CDH10: variants seen among roughly 807,000 people sequenced by gnomAD.
CDH10 encodes the protein cadherin-10.
In CDH10, 30 loss-of-function variants were observed where a neutral mutation model predicts 73.1. That is an observed-to-expected ratio of 0.41 (90% CI 0.31 to 0.56). The LOEUF (loss-of-function observed/expected upper bound fraction) is 0.56, where lower values mean the gene tolerates loss of function less well. Ranked by LOEUF, CDH10 falls within the 20% of genes least tolerant of loss-of-function variation. The probability of loss-of-function intolerance (pLI) is 0.27; values close to 1 mark genes in which losing one functional copy is unlikely to be tolerated. For missense variants in CDH10, 815 were observed against 973.7 expected (o/e 0.84, Z 2.17); for synonymous variants, 345 against 348.2 (o/e 0.99, Z 0.10).
rs150875437 is a variant in CDH10, at chr5:24,507,844, T to A, written c.1256+1722A>T. Among the ~76,000 whole-genome samples the A allele has an allele frequency of 3.6e-3, 542 of 152,270 alleles. 2 individuals are homozygous for A. Among genetic ancestry groups the A allele is most frequent in the Non-Finnish European group, 5.1e-3 (350 of 68,002 alleles). ...GGAAGAGGCATTTATGGGAAAATCATGCTGGCATGTACAGGTTTCTTCTGC... is the reference window on the plus strand; with the variant it reads ...GGAAGAGGCATTTATGGGAAAATCAAGCTGGCATGTACAGGTTTCTTCTGC... On this transcript the variant is annotated intron_variant, in intron 7 of 11. Coordinates refer to ENST00000264463, the MANE Select transcript of CDH10 (RefSeq NM_006727.5).
intron 2 of CDH10, 96 bp from the exon 3 acceptor site, chr5:24,537,770 C>T (rs918370575): frequency 1.7e-5 from 12 of 717,224 alleles, no homozygotes; most frequent in Middle Eastern, 7.9e-4. Context: ...CATCACTGAG[C>T]AACGGGGTCG....
chr5:24,612,421 A>G (rs933991394), intron 1 of CDH10: 2 of 152,156 alleles, frequency 1.3e-5, no homozygotes, highest in Admixed American at 6.5e-5. Flanking sequence ...ATTGCTTATC[A>G]CCTTATCTCA....
chr5:24,502,669 G>A (rs1178937253), intron 8 of CDH10, among the ~76,000 whole-genome samples: 1 of 152,146 alleles, frequency 6.6e-6, no homozygotes, highest in Non-Finnish European at 1.5e-5. Flanking sequence ...GCTTTTTACA[G>A]AACTGTAATT....
At chr5:24,489,078 C>T (rs1460066391) in intron 11 of CDH10, among the ~76,000 whole-genome samples, 1 of 151,912 alleles carries the variant, frequency 6.6e-6, no homozygotes, top group Non-Finnish European at 1.5e-5. Context: ...GATCCTCAAC[C>T]TTTAAAAGGA....
At chr5:24,534,291 G>A (rs767747895) in intron 5 of CDH10, among the ~76,000 whole-genome samples, 8 of 152,008 alleles carry the variant, frequency 5.3e-5, no homozygotes, top group Non-Finnish European at 1.2e-4. Flanking sequence ...GACATAGGCT[G>A]TAGTCGAATA....
intron 1 of CDH10, among the ~76,000 whole-genome samples, chr5:24,619,397 G>A (rs1747235257): frequency 1.3e-5 from 2 of 152,088 alleles, no homozygotes; most frequent in Admixed American, 6.5e-5. Context: ...GTTTCACCGT[G>A]TTAGCCAGGA....
chr5:24,596,547 C>G (rs986701267), intron 1 of CDH10, among the ~76,000 whole-genome samples: 1 of 151,856 alleles, frequency 6.6e-6, no homozygotes, highest in African/African-American at 2.4e-5. Flanking sequence ...AGGCTCAAAT[C>G]AATTAAAATT....
intron 8 of CDH10, among the ~76,000 whole-genome samples, chr5:24,501,926 C>CT (rs35042550): frequency 0.019 from 2,793 of 144,274 alleles, 43 homozygotes; most frequent in Middle Eastern, 0.057. Context: ...TCCACATGGC[C>CT]TTTTTTTTTT....
At chr5:24,543,289 A>G (rs1744223241) in intron 2 of CDH10, among the ~76,000 whole-genome samples, 1 of 152,140 alleles carries the variant, frequency 6.6e-6, no homozygotes, top group African/African-American at 2.4e-5. Flanking sequence ...TCATTCCAAA[A>G]ACTGGAAAAG....
At chr5:24,522,470 A>T (rs6879214) in intron 5 of CDH10, among the ~76,000 whole-genome samples, 1 of 151,548 alleles carries the variant, frequency 6.6e-6, no homozygotes, top group Non-Finnish European at 1.5e-5. Context: ...CAGAAAGTTC[A>T]AATCCAAAGC....
chr5:24,596,279 C>T (rs1343698967), intron 1 of CDH10, among the ~76,000 whole-genome samples: 1 of 151,840 alleles, frequency 6.6e-6, no homozygotes, highest in Admixed American at 6.6e-5. Flanking sequence ...TACAGAATAT[C>T]TTTGGCATTT....
chr5:24,536,008 A>C (rs1473527773), intron 3 of CDH10, among the ~76,000 whole-genome samples, 186 bp from the exon 4 acceptor site: 1 of 152,168 alleles, frequency 6.6e-6, no homozygotes, highest in Non-Finnish European at 1.5e-5. Context: ...GTTCAAATAC[A>C]TAATATTTAT....
chr5:24,558,864 C>A (rs988560424), intron 2 of CDH10, among the ~76,000 whole-genome samples: 3 of 151,760 alleles, frequency 2.0e-5, no homozygotes, highest in Non-Finnish European at 4.4e-5. Flanking sequence ...ATATAAACTT[C>A]AACATATATT....
At chr5:24,558,148 G>A (rs1744828747) in intron 2 of CDH10, among the ~76,000 whole-genome samples, 2 of 151,688 alleles carry the variant, frequency 1.3e-5, no homozygotes, top group Non-Finnish European at 3.0e-5. Context: ...AGTGTTGGAA[G>A]TCTTAAATCC....
At position 24,573,482 on chromosome 5, in the gene CDH10, A is replaced by C. The variant is rs1298735497; in HGVS notation, c.231+19778T>G. 5.3e-5 allele frequency among the ~76,000 whole-genome samples: 8 copies of C among 151,954 alleles called. No homozygotes were observed. In the East Asian group the frequency reaches 1.4e-3, roughly 26 times the overall value. On this transcript the variant is annotated intron_variant, in intron 2 of 11. Transcript: ENST00000264463. ...TTTGGGAGGCCGAGGCAGGCAGATC[A>C]CGAGGTCAGGAGATTGAGACCATCC...
chr5:24,548,375 C>T (rs926379866), intron 2 of CDH10, among the ~76,000 whole-genome samples: 3 of 152,052 alleles, frequency 2.0e-5, no homozygotes, highest in African/African-American at 7.2e-5. Context: ...CCTGCCTTGG[C>T]CTCCCAAAAT....
intron 5 of CDH10, among the ~76,000 whole-genome samples, chr5:24,530,023 T>TTG (rs1579766476): frequency 6.9e-6 from 1 of 145,918 alleles, no homozygotes; most frequent in East Asian, 2.0e-4. Flanking sequence ...TTACTTTTTT[T>TTG]TTTTTTTTTT....
In CDH10 at chr5:24,498,403, C is replaced by T. The variant is rs2111682922; in HGVS notation, c.1510G>A (p.Gly504Arg). ...TTAATCCTGTAGGGGCTTACCTGCCCTGGTCTGGCATTTTCACATACAAAA... is the reference window on the plus strand; with the variant it reads ...TTAATCCTGTAGGGGCTTACCTGCCTTGGTCTGGCATTTTCACATACAAAA... ...DTFVCENARP[G>R]QLIQTISAVD... The change falls in exon 9 of 12, where the codon GGG becomes AGG. Residue 504 changes from glycine (G) to arginine (R), a missense_variant. By Grantham distance (125) the Gly-to-Arg change is moderately radical (BLOSUM62 -2). This residue lies in a region of CDH10 where 516 missense variants were observed against 636.6 expected (regional missense o/e 0.81). Coordinates refer to ENST00000264463, the MANE Select transcript of CDH10 (RefSeq NM_006727.5). The T allele has an allele frequency of 6.2e-7, 1 of 1,604,218 alleles. No individual in the cohort carries two copies. Among genetic ancestry groups the T allele is most frequent in the Non-Finnish European group, 8.5e-7 (1 of 1,172,004 alleles).
At chr5:24,608,772 G>T (rs758788685) in intron 1 of CDH10, among the ~76,000 whole-genome samples, 1 of 152,108 alleles carries the variant, frequency 6.6e-6, no homozygotes, top group Non-Finnish European at 1.5e-5. Context: ...ATATAATGAG[G>T]ATATAATGGC....
Sources: gnomAD v4.1 joint callset for allele counts (sites outside exome capture counted in the v4.1 genomes callset) on GRCh38, gnomAD v4.1.1 for gene constraint, gnomAD v4.1.1 regional missense constraint, MANE v1.5 for transcripts, NCBI Gene and HGNC (gene_info 2026-07-23, HGNC 2026-07-21) for gene names.